The following CEP131 variants were observed in gnomAD, a reference collection of about 807,000 sequenced individuals.
CEP131 encodes centrosomal protein of 131 kDa.
Under a neutral mutation model 136.8 loss-of-function variants are expected in CEP131, and 99 were observed. The observed-to-expected ratio is 0.72, with a 90% CI of 0.62 to 0.86. CEP131 has a LOEUF of 0.86. Among genes scored for constraint, CEP131 ranks in the 40% least tolerant of loss-of-function variants. The pLI is 0.00. For missense variants in CEP131, 1,459 were observed against 1,463.0 expected, an observed-to-expected ratio of 1.00 and a Z score of 0.04; for synonymous variants, 646 against 612.7, an observed-to-expected ratio of 1.05 and a Z score of -0.80.
intron 1 of CEP131, among the ~76,000 whole-genome samples, chr17:81,221,343 C>T (rs1474253636): frequency 6.6e-6 from 1 of 152,106 alleles, no homozygotes; most frequent in African/African-American, 2.4e-5. Flanking sequence ...GCCCCCAGCC[C>T]GTCCCCACAT....
In CEP131 at chr17:81,197,757, G is replaced by A. The variant is rs756249730; in HGVS notation, c.1602C>T (p.Asp534=). The part of the protein sequence containing the change: ...AKLQSIMSFL[D]EMEKSGQDQL... ...GGTCCTGCCCAGACTTCTCCATCTC[G>A]TCCAAGAAGCTCATGATGCTTTGTA... Residue 534 remains aspartate (D), a synonymous_variant, in exon 13 of 26, where the codon GAC becomes GAT. Coordinates refer to ENST00000450824, the MANE Select transcript of CEP131 (RefSeq NM_014984.4). 30 of 1,612,922 alleles carry A rather than the reference G, an allele frequency of 1.9e-5. No homozygotes were observed. The highest frequency in any genetic ancestry group is 4.4e-5 in the South Asian group (4 of 91,082).
intron 8 of CEP131, 40 bp downstream of exon 8, chr17:81,200,289 C>T: frequency 6.6e-7 from 1 of 1,518,470 alleles, no homozygotes; most frequent in Admixed American, 1.8e-5. Flanking sequence ...GGGCCAGACC[C>T]CCCGGGGGAG....
intron 21 of CEP131, 99 bp downstream of exon 21, chr17:81,192,219 A>G: frequency 8.9e-7 from 1 of 1,126,174 alleles, no homozygotes. Context: ...AGCCCCCAGG[A>G]TGCCACAGCA....
In CEP131 at chr17:81,190,890, G is replaced by A; in HGVS notation, c.2943+17C>T. ...GCCTGTGGGTGCCCACTGCCCACCT[G>A]ACACCCGCCCACTCACCGCCTGCGC... On this transcript the variant is annotated intron_variant, in intron 23 of 25. Transcript: ENST00000450824. 1 of 1,597,678 alleles carries A rather than the reference G, an allele frequency of 6.3e-7. No individual in the cohort carries two copies.
In CEP131 at chr17:81,197,819, G is replaced by C; in HGVS notation, c.1540C>G (p.Pro514Ala). 6.2e-7 allele frequency: 1 copy of C among 1,613,304 alleles called. No individual in the cohort carries two copies. The highest frequency in any genetic ancestry group is 8.5e-7 in the Non-Finnish European group (1 of 1,179,956). Residue 514 changes from proline to alanine, a missense_variant, in exon 13 of 26, where the codon CCT (proline) becomes GCT (alanine). Physicochemically the swap from Pro to Ala is conservative, Grantham distance 27 (BLOSUM62 -1). Transcript: ENST00000450824. ...KFGKLSAFPE[P>A]PEDGTLLSEA... ...GATAGCAGCGTCCCATCCTCAGGAG[G>C]TTCGGGGAACGCACTGAGTTTTCCA...
intron 2 of CEP131, among the ~76,000 whole-genome samples, chr17:81,214,569 GA>G (rs1386813432): frequency 1.3e-5 from 2 of 151,490 alleles, no homozygotes; most frequent in Non-Finnish European, 2.9e-5. Flanking sequence ...AAAAGAAAAA[GA>G]AAAAAATAAA....
chr17:81,211,114 C>T (rs1390473277), intron 2 of CEP131, among the ~76,000 whole-genome samples: 1 of 152,206 alleles, frequency 6.6e-6, no homozygotes, highest in East Asian at 1.9e-4. Context: ...GACCAGGCTA[C>T]AGACAGTGAC....
chr17:81,214,475 G>T (rs1655881705), intron 2 of CEP131, among the ~76,000 whole-genome samples: 1 of 152,062 alleles, frequency 6.6e-6, no homozygotes, highest in South Asian at 2.1e-4. Context: ...AGAATCACTT[G>T]AACCCAGGAG....
Position 81,197,029 on chromosome 17 carries a change from C to T in CEP131, c.1674G>A (p.Gly558=), listed in dbSNP as rs370272706. 1,073 of 1,590,404 alleles carry T rather than the reference C, an allele frequency of 6.7e-4. No individual in the cohort carries two copies. The highest frequency in any genetic ancestry group is 9.0e-4 in the Non-Finnish European group (1,054 of 1,168,688). Residue 558 remains glycine, a synonymous_variant, in exon 14 of 26, where the codon GGG becomes GGA. Coordinates refer to ENST00000450824, the MANE Select transcript of CEP131 (RefSeq NM_014984.4). ...TCACCTCGGACCCCAGCTCCAGGGG[C>T]CCCGGCCCCGCCTCCGGCACCCACC... is the stretch of plus-strand genomic sequence containing the variant. ...QEGWVPEAGP[G]PLELGSEVST... is the part of the protein sequence containing the mutation.
Position 81,192,488 on chromosome 17 carries a change from CTCCTGCTCCTCCCTG to C in CEP131, c.2520_2534del (p.Glu842_Arg846del). On this transcript the variant is annotated inframe_deletion, in exon 20 of 26. Transcript: ENST00000450824. ...TCCGGTGGTAGACCTGGTGCCGGCGCTCCTGCTCCTCCCTGCCCTTCTCAAACTCAGCCCTCAGGG... is the reference window on the plus strand; with the variant it reads ...TCCGGTGGTAGACCTGGTGCCGGCGCCCCTTCTCAAACTCAGCCCTCAGGG... 1 of 1,611,846 alleles carries C rather than the reference CTCCTGCTCCTCCCTG, an allele frequency of 6.2e-7. No individual in the cohort carries two copies. Among genetic ancestry groups the C allele is most frequent in the Non-Finnish European group, 8.5e-7 (1 of 1,179,798 alleles).
rs966030822 is a variant in CEP131, at chr17:81,208,274, C to T, written c.272+654G>A. ...TCTTGGTCTTCCCAGGAAGGGTCCACCCGGGGCCCTTGGTGACCCAGAACT... is the reference window on the plus strand; with the variant it reads ...TCTTGGTCTTCCCAGGAAGGGTCCATCCGGGGCCCTTGGTGACCCAGAACT... On this transcript the variant is annotated intron_variant, in intron 3 of 25. Transcript: ENST00000450824. The surrounding 1 kb of genome is among the most constrained non-coding windows in gnomAD (Gnocchi z 5.6). Among the ~76,000 whole-genome samples the T allele has an allele frequency of 5.9e-5, 9 of 152,234 alleles. No homozygotes were observed. Among genetic ancestry groups the T allele is most frequent in the Non-Finnish European group, 1.2e-4 (8 of 68,038 alleles).
intron 4 of CEP131, 91 bp downstream of exon 4, chr17:81,207,031 AGTG>A: frequency 3.3e-6 from 5 of 1,524,588 alleles, no homozygotes; most frequent in Non-Finnish European, 4.4e-6. Context: ...CCCTCCCTGC[AGTG>A]CCCTTTTGCA....
At chr17:81,209,553 GA>G (rs2062088056) in intron 2 of CEP131, among the ~76,000 whole-genome samples, 1 of 145,470 alleles carries the variant, frequency 6.9e-6, no homozygotes, top group Admixed American at 6.7e-5. Flanking sequence ...CTGCGCAGCA[GA>G]CACTAAGCAA....
chr17:81,208,393 C>T lies in CEP131; in HGVS notation c.272+535G>A, dbSNP rs1290513256. Reference sequence around the variant, plus strand: ...TGGTGTCAGGACCTCGCCCACCACTCTGGGCTAGAGGATGTCCCCCCGGAG... The same window carrying T: ...TGGTGTCAGGACCTCGCCCACCACTTTGGGCTAGAGGATGTCCCCCCGGAG... On this transcript the variant is annotated intron_variant, in intron 3 of 25. Coordinates refer to ENST00000450824, the MANE Select transcript of CEP131 (RefSeq NM_014984.4). The surrounding 1 kb of genome is among the most constrained non-coding windows in gnomAD (Gnocchi z 5.6). 6.6e-6 allele frequency among the ~76,000 whole-genome samples: 1 copy of T among 152,146 alleles called. No individual in the cohort carries two copies. Among genetic ancestry groups the T allele is most frequent in the Non-Finnish European group, 1.5e-5 (1 of 68,020 alleles).
rs374444600 is a variant in CEP131, at chr17:81,189,848, A to G, written c.3169-5T>C. 7.4e-6 allele frequency: 12 copies of G among 1,612,310 alleles called. No individual in the cohort carries two copies. The highest frequency in any genetic ancestry group is 6.7e-5 in the Admixed American group (4 of 59,992). On this transcript the variant is annotated splice_region_variant and splice_polypyrimidine_tract_variant and intron_variant, in intron 25 of 25. Transcript: ENST00000450824. ...GTCGGCCCGCTTCACCGCAGCCTGC[A>G]GCACACCCACAGGGTCAGGCCTGCT...
intron 13 of CEP131, chr17:81,197,483 G>T: frequency 1.5e-6 from 1 of 646,586 alleles, no homozygotes; most frequent in Non-Finnish European, 2.5e-6. Context: ...GGGGAATGCG[G>T]GCCCTGCCAC....
chr17:81,208,102 T>G lies in CEP131; in HGVS notation c.272+826A>C, dbSNP rs1234920281. The stretch of plus-strand genomic sequence containing the variant: ...ACACCACACCACACACACACACTTA[T>G]GCCACACACCCACACACCACACACA... On this transcript the variant is annotated intron_variant, in intron 3 of 25. Transcript: ENST00000450824. The surrounding 1 kb of genome is among the most constrained non-coding windows in gnomAD (Gnocchi z 5.6). Among the ~76,000 whole-genome samples the G allele has an allele frequency of 8.1e-6, 1 of 123,086 alleles. No individual in the cohort carries two copies. Among genetic ancestry groups the G allele is most frequent in the Admixed American group, 7.8e-5 (1 of 12,868 alleles). 80.7% of individuals were successfully genotyped at this position (123,086 alleles called of 152,430 possible).
At position 81,193,904 on chromosome 17, in the gene CEP131, C is replaced by T. The variant is rs1231288589; in HGVS notation, c.2321+22G>A. 1.1e-5 allele frequency: 17 copies of T among 1,531,626 alleles called. 1 individual carries two copies. Among genetic ancestry groups the T allele is most frequent in the Admixed American group, 2.0e-5 (1 of 49,718 alleles). 94.9% of individuals were successfully genotyped at this position (1,531,626 alleles called of 1,614,324 possible). ...CCCCGCCCTGAGGGTCCTGGCCCCA[C>T]CGGCCTGGGGCCACCACCCACCGCT... On this transcript the variant is annotated intron_variant, in intron 18 of 25. Transcript: ENST00000450824.
At chr17:81,212,779 C>T (rs956679783) in intron 2 of CEP131, among the ~76,000 whole-genome samples, 1 of 151,916 alleles carries the variant, frequency 6.6e-6, no homozygotes, top group East Asian at 1.9e-4. Context: ...GTCGGGGGGG[C>T]GAGAGGTGCC....
Sources: gnomAD v4.1 joint callset for allele counts (sites outside exome capture counted in the v4.1 genomes callset) on GRCh38, gnomAD v4.1.1 for gene constraint, Gnocchi (gnomAD v3.1) non-coding constraint, MANE v1.5 for transcripts, NCBI Gene and HGNC (gene_info 2026-07-23, HGNC 2026-07-21) for gene names.